The following TYW1B variants were observed in gnomAD, a reference collection of about 807,000 sequenced individuals.
TYW1B encodes the protein S-adenosyl-L-methionine-dependent tRNA 4-demethylwyosine synthase TYW1B.
A neutral mutation model predicts 86.9 loss-of-function variants in TYW1B; 73 were observed. That is an observed-to-expected ratio of 0.84 (90% CI 0.70 to 1.02). The LOEUF is 1.02. TYW1B is among the 50% of genes least tolerant of loss of function. The pLI is 0.00. For synonymous variants in TYW1B, 248 were observed against 292.8 expected (o/e 0.85, Z 1.56); for missense variants, 637 against 827.4 (o/e 0.77, Z 2.82).
chr7:72,584,315 C>G (rs9942627), intron 13 of TYW1B, among the ~76,000 whole-genome samples: 68,699 of 152,036 alleles, frequency 0.45, 17,541 homozygotes, highest in African/African-American at 0.7. Context: ...AAAATGCTGG[C>G]AATATGGGTG....
At chr7:72,728,532 C>T (rs547021886) in intron 9 of TYW1B, among the ~76,000 whole-genome samples, 3 of 152,280 alleles carry the variant, frequency 2.0e-5, no homozygotes, top group Non-Finnish European at 4.4e-5. Flanking sequence ...ATCTCGAACT[C>T]CTGACCTCAG....
intron 9 of TYW1B, among the ~76,000 whole-genome samples, chr7:72,724,605 C>T (rs550823370): frequency 7.9e-5 from 12 of 152,318 alleles, no homozygotes; most frequent in Non-Finnish European, 1.6e-4. Context: ...AGAAAAACTG[C>T]TTTGCTAACC....
Position 72,826,057 on chromosome 7 carries a change from T to C in TYW1B, c.135+798A>G, listed in dbSNP as rs193243660. On this transcript the variant is annotated intron_variant, in intron 2 of 13. Coordinates refer to ENST00000620995, the MANE Select transcript of TYW1B (RefSeq NM_001145440.3). ...CTGCTAAAGGGATTTTCTTAAAATG[T>C]CAGGAAACCAAAGGAAAAGCATCAT... 4.9e-4 allele frequency among the ~76,000 whole-genome samples: 75 copies of C among 152,350 alleles called. No individual in the cohort carries two copies. The East Asian group carries it at 0.014, about 28-fold the overall frequency.
intron 13 of TYW1B, among the ~76,000 whole-genome samples, chr7:72,611,141 T>G (rs1811923369): frequency 6.6e-6 from 1 of 152,138 alleles, no homozygotes; most frequent in Admixed American, 6.6e-5. Flanking sequence ...TCATTTAAGA[T>G]CCAGTTAAAT....
chr7:72,609,971 G>A (rs1811895858), intron 13 of TYW1B, among the ~76,000 whole-genome samples: 1 of 152,192 alleles, frequency 6.6e-6, no homozygotes, highest in Non-Finnish European at 1.5e-5. Flanking sequence ...CTGGGACACT[G>A]AAGGGTATCT....
At chr7:72,588,862 G>A (rs531206654) in intron 13 of TYW1B, among the ~76,000 whole-genome samples, 2 of 151,874 alleles carry the variant, frequency 1.3e-5, no homozygotes, top group Non-Finnish European at 2.9e-5. Context: ...ATCCAGGCTG[G>A]AGTACAGTGG....
At chr7:72,695,134 T>C (rs1814284317) in intron 10 of TYW1B, among the ~76,000 whole-genome samples, 1 of 152,188 alleles carries the variant, frequency 6.6e-6, no homozygotes, top group African/African-American at 2.4e-5. Context: ...TATGACAGCA[T>C]CAGCCCAGCA....
intron 10 of TYW1B, among the ~76,000 whole-genome samples, chr7:72,704,587 G>GAAA (rs56377185): frequency 1.6e-5 from 2 of 127,134 alleles, no homozygotes; most frequent in Non-Finnish European, 3.4e-5. Flanking sequence ...TGTCTCTGAA[G>GAAA]AAAAAAAAAA....
chr7:72,607,393 C>CAAAAAAAAAAA (rs57281644), intron 13 of TYW1B, among the ~76,000 whole-genome samples: 38 of 76,204 alleles, frequency 5.0e-4, no homozygotes, highest in South Asian at 2.6e-3. Context: ...TTCTGTCTCT[C>CAAAAAAAAAAA]AAAAAAAAAA....
At chr7:72,657,258 TCTGAAC>T (rs1813226541) in intron 11 of TYW1B, among the ~76,000 whole-genome samples, 1 of 152,042 alleles carries the variant, frequency 6.6e-6, no homozygotes, top group Non-Finnish European at 1.5e-5. Context: ...AGAAAGAACT[TCTGAAC>T]TTGAAGACAA....
At chr7:72,677,903 T>C (rs1273156370) in intron 11 of TYW1B, among the ~76,000 whole-genome samples, 1 of 152,068 alleles carries the variant, frequency 6.6e-6, no homozygotes, top group African/African-American at 2.4e-5. Flanking sequence ...GGTTTCACCA[T>C]GTTGTCCAGG....
chr7:72,575,240 A>G lies in TYW1B; in HGVS notation c.*258T>C. 7.6e-7 allele frequency: 1 copy of G among 1,322,646 alleles called. No individual in the cohort carries two copies. Among genetic ancestry groups the G allele is most frequent in the South Asian group, 1.8e-5 (1 of 55,606 alleles). The allele number at this position is 1,322,646 out of a possible 1,614,324, so 81.9% of individuals were successfully genotyped here. A position where few individuals can be genotyped will look rare whatever the true frequency, so the allele number is the denominator to read the frequency against. Reference sequence around the variant, plus strand: ...AGTTAAATTCTAATCACGACTGTGTAGTTCCTCCCCAAAATAATTTTCCTC... The same window carrying G: ...AGTTAAATTCTAATCACGACTGTGTGGTTCCTCCCCAAAATAATTTTCCTC... On this transcript the variant is annotated 3_prime_UTR_variant, in exon 14 of 14. Coordinates refer to ENST00000620995, the MANE Select transcript of TYW1B (RefSeq NM_001145440.3).
chr7:72,641,976 T>C (rs1812810226), intron 11 of TYW1B, among the ~76,000 whole-genome samples: 2 of 152,170 alleles, frequency 1.3e-5, no homozygotes, highest in Non-Finnish European at 2.9e-5. Flanking sequence ...TTTCAAAACG[T>C]ACTCAAAGCT....
intron 4 of TYW1B, among the ~76,000 whole-genome samples, chr7:72,807,909 A>T (rs1458084335): frequency 6.6e-6 from 1 of 152,114 alleles, no homozygotes; most frequent in Non-Finnish European, 1.5e-5. Flanking sequence ...CATTAAACAA[A>T]ATATTTACAT....
At chr7:72,781,386 T>C (rs1350646060) in intron 6 of TYW1B, among the ~76,000 whole-genome samples, 1 of 152,138 alleles carries the variant, frequency 6.6e-6, no homozygotes, top group Non-Finnish European at 1.5e-5. Flanking sequence ...CGTCACTTCG[T>C]TGCAAGATCC....
intron 8 of TYW1B, among the ~76,000 whole-genome samples, chr7:72,740,731 T>A (rs1554462073): frequency 1.1e-5 from 1 of 88,608 alleles, no homozygotes; most frequent in Admixed American, 1.1e-4. Flanking sequence ...ATATGCAGTT[T>A]TCTTTTTTTT....
intron 8 of TYW1B, among the ~76,000 whole-genome samples, chr7:72,731,159 A>C (rs1787099802): frequency 6.6e-6 from 1 of 150,550 alleles, no homozygotes; most frequent in Non-Finnish European, 1.5e-5. Context: ...ACCACCAAGC[A>C]AAACTATCCT....
rs1395752838 is a variant in TYW1B, at chr7:72,574,851, T to G, written c.*647A>C. The G allele has an allele frequency of 1.0e-6, 1 of 985,478 alleles. No individual in the cohort carries two copies. The highest frequency in any genetic ancestry group is 1.2e-6 in the Non-Finnish European group (1 of 830,174). 61.0% of individuals were successfully genotyped at this position (985,478 alleles called of 1,614,324 possible). A position where few individuals can be genotyped will look rare whatever the true frequency, so the allele number is the denominator to read the frequency against. Reference sequence around the variant, plus strand: ...CTTCACTCCGCTCCAGCCCCGGTACTGCGGTCTGTGGTAATTTACATGGGA... The same window carrying G: ...CTTCACTCCGCTCCAGCCCCGGTACGGCGGTCTGTGGTAATTTACATGGGA... On this transcript the variant is annotated 3_prime_UTR_variant, in exon 14 of 14. Coordinates refer to ENST00000620995, the MANE Select transcript of TYW1B (RefSeq NM_001145440.3).
At chr7:72,667,465 A>T (rs1305439311) in intron 11 of TYW1B, among the ~76,000 whole-genome samples, 2 of 152,200 alleles carry the variant, frequency 1.3e-5, no homozygotes, top group African/African-American at 4.8e-5. Flanking sequence ...CTGCAATCTC[A>T]GCACTTTGGG....
Sources: gnomAD v4.1 joint callset for allele counts (sites outside exome capture counted in the v4.1 genomes callset) on GRCh38, gnomAD v4.1.1 for gene constraint, MANE v1.5 for transcripts, NCBI Gene and HGNC (gene_info 2026-07-23, HGNC 2026-07-21) for gene names.